The following CLDN16 variants were observed in gnomAD, a reference collection of about 807,000 sequenced individuals.
CLDN16 encodes claudin 16.
A neutral mutation model predicts 24.6 loss-of-function variants in CLDN16; 13 were observed. That is an observed-to-expected ratio of 0.53 (90% CI 0.34 to 0.84). The LOEUF (loss-of-function observed/expected upper bound fraction) is 0.84, where lower values mean the gene tolerates loss of function less well. Ranked by LOEUF, CLDN16 falls within the 40% of genes least tolerant of loss-of-function variation. The pLI is 0.01. For synonymous variants in CLDN16, 116 were observed against 106.7 expected, an observed-to-expected ratio of 1.09 and a Z score of -0.54; for missense variants, 298 against 292.7, an observed-to-expected ratio of 1.02 and a Z score of -0.13.
rs1719290918 is a variant in CLDN16, at chr3:190,411,740, T to C, written c.*1704T>C. On this transcript the variant is annotated 3_prime_UTR_variant, in exon 5 of 5. Transcript: ENST00000264734. ...AGTATTCTCTGAAGCAGTTCCAATC[T>C]AGTTGGAGAATTAACAGCAATTGAT... 6.6e-6 allele frequency: 1 copy of C among 152,196 alleles called. No homozygotes were observed. Among genetic ancestry groups the C allele is most frequent in the Non-Finnish European group, 1.5e-5 (1 of 68,018 alleles). The allele number at this position is 152,196 out of a possible 1,614,324, so 9.4% of individuals were successfully genotyped here. A position where few individuals can be genotyped will look rare whatever the true frequency, so the allele number is the denominator to read the frequency against.
intron 3 of CLDN16, among the ~76,000 whole-genome samples, chr3:190,380,429 T>C (rs1429852533): frequency 2.0e-5 from 3 of 152,074 alleles, no homozygotes; most frequent in African/African-American, 7.2e-5. Context: ...ACAAAGTTAA[T>C]ATTTATTCCT....
At chr3:190,300,199 A>T in the CLDN16 span, among the ~76,000 whole-genome samples, 2 of 150,298 alleles carry the variant, frequency 1.3e-5, no homozygotes, top group Non-Finnish European at 2.9e-5. Flanking sequence ...TTTTCGCTGC[A>T]GTGCTGTTGG....
At chr3:190,343,652 C>T (rs940293222) in intron 1 of CLDN16, among the ~76,000 whole-genome samples, 4 of 151,922 alleles carry the variant, frequency 2.6e-5, no homozygotes, top group South Asian at 2.1e-4. Context: ...CCATTTGCCA[C>T]GACATATATG....
At chr3:190,316,244 G>A in the CLDN16 span, among the ~76,000 whole-genome samples, 664 of 152,178 alleles carry the variant, frequency 4.4e-3, 4 homozygotes, top group African/African-American at 0.015. Flanking sequence ...TTAAAATGTC[G>A]TTTTGCAAAG....
upstream of CLDN16, among the ~76,000 whole-genome samples, chr3:190,386,304 A>G (rs1718495941): frequency 2.0e-5 from 3 of 152,318 alleles, no homozygotes; most frequent in South Asian, 6.2e-4. Context: ...AAACAAAATA[A>G]GTAAAATAAA....
At chr3:190,344,124 A>AATATAAAGAAT (rs1717499334) in intron 1 of CLDN16, among the ~76,000 whole-genome samples, 1 of 152,098 alleles carries the variant, frequency 6.6e-6, no homozygotes, top group African/African-American at 2.4e-5. Flanking sequence ...AAATATAAAA[A>AATATAAAGAAT]ATATAAAAAA....
At chr3:190,312,753 G>T in the CLDN16 span, 1 of 1,101,446 alleles carries the variant, frequency 9.1e-7, no homozygotes, top group Non-Finnish European at 1.4e-6. Flanking sequence ...TGGACTTCAG[G>T]TCTATGTTTG....
intron 1 of CLDN16, among the ~76,000 whole-genome samples, chr3:190,326,832 C>T (rs1717073182): frequency 6.6e-6 from 1 of 152,164 alleles, no homozygotes; most frequent in Admixed American, 6.5e-5. Context: ...TACCTTGAAA[C>T]AAGGTGCTGA....
At chr3:190,399,239 C>T (rs1249853206) in intron 1 of CLDN16, among the ~76,000 whole-genome samples, 6 of 152,180 alleles carry the variant, frequency 3.9e-5, no homozygotes, top group African/African-American at 1.4e-4. Flanking sequence ...CACGGTGCCT[C>T]ACGCCTGTAA....
chr3:190,390,433 C>T (rs1718619621), intron 1 of CLDN16, among the ~76,000 whole-genome samples: 1 of 152,118 alleles, frequency 6.6e-6, no homozygotes, highest in South Asian at 2.1e-4. Context: ...ACTAAGGAGG[C>T]TGAGGCAGGA....
chr3:190,345,005 C>G (rs929878390), intron 1 of CLDN16, among the ~76,000 whole-genome samples: 2 of 152,098 alleles, frequency 1.3e-5, no homozygotes, highest in African/African-American at 4.8e-5. Flanking sequence ...AATTCAGAGA[C>G]AGAGGAAGAG....
upstream of CLDN16, chr3:190,387,979 G>T: frequency 1.3e-6 from 1 of 754,434 alleles, no homozygotes; most frequent in Non-Finnish European, 2.3e-6. Context: ...CCCCCGTCTT[G>T]GCACTGGCAC....
At chr3:190,372,718 T>G (rs876235) in intron 2 of CLDN16, among the ~76,000 whole-genome samples, 129,448 of 151,898 alleles carry the variant, frequency 0.85, 55,248 homozygotes, top group East Asian at 0.89. Flanking sequence ...TGTGGCCCTT[T>G]GTCCCTAGCA....
chr3:190,404,024 T>C (rs1261871167), intron 2 of CLDN16, among the ~76,000 whole-genome samples: 5 of 152,198 alleles, frequency 3.3e-5, no homozygotes, highest in African/African-American at 1.2e-4. Flanking sequence ...ACTGTTTATA[T>C]TTAATATGTT....
chr3:190,334,351 A>G (rs956279919), intron 1 of CLDN16, among the ~76,000 whole-genome samples: 3 of 152,228 alleles, frequency 2.0e-5, no homozygotes, highest in African/African-American at 4.8e-5. Context: ...AGTATATGCT[A>G]TATCAGGTAG....
chr3:190,369,982 A>G (rs1360558421), intron 1 of CLDN16, among the ~76,000 whole-genome samples: 2 of 151,988 alleles, frequency 1.3e-5, no homozygotes, highest in Non-Finnish European at 2.9e-5. Flanking sequence ...TTGTATTCCG[A>G]GAAAGGCTGA....
intron 1 of CLDN16, among the ~76,000 whole-genome samples, chr3:190,326,325 C>T (rs1349531789): frequency 2.6e-5 from 4 of 152,160 alleles, no homozygotes. Context: ...TTTCATGCTT[C>T]GATTCTGTTA....
chr3:190,312,352 C>A, the CLDN16 span, among the ~76,000 whole-genome samples: 2 of 152,032 alleles, frequency 1.3e-5, no homozygotes, highest in Admixed American at 1.3e-4. Flanking sequence ...CAGGCCACCT[C>A]TACTCCAGTT....
At chr3:190,308,309 G>A in the CLDN16 span, 1 of 1,613,678 alleles carries the variant, frequency 6.2e-7, no homozygotes, top group South Asian at 1.1e-5. Flanking sequence ...GAAGGTGCAG[G>A]TTTTGGATAG....
Sources: allele counts gnomAD v4.1 joint callset (sites outside exome capture counted in the v4.1 genomes callset), GRCh38; gene constraint gnomAD v4.1.1; transcripts MANE v1.5; gene names NCBI Gene and HGNC (gene_info 2026-07-23, HGNC 2026-07-21).